The following SLC39A12 variants were observed in gnomAD, a reference collection of about 807,000 sequenced individuals.
The protein encoded by SLC39A12 is zinc transporter ZIP12.
SLC39A12 carries 63 observed loss-of-function variants against 71.1 expected under a neutral mutation model. The ratio of observed to expected loss-of-function variants is 0.89; its 90% CI spans 0.72 to 1.09. The LOEUF is 1.09. Ranked by LOEUF, SLC39A12 falls within the 50% of genes least tolerant of loss-of-function variation. The pLI is 0.00. For missense variants in SLC39A12, 892 were observed against 812.6 expected, an observed-to-expected ratio of 1.10 and a Z score of -1.19; for synonymous variants, 351 against 301.3, an observed-to-expected ratio of 1.16 and a Z score of -1.71.
chr10:18,019,614 T>C (rs1444225126), intron 12 of SLC39A12, among the ~76,000 whole-genome samples: 3 of 152,232 alleles, frequency 2.0e-5, no homozygotes, highest in African/African-American at 7.2e-5. Context: ...ATTTTTATTT[T>C]CATTCATTCG....
At chr10:18,027,154 T>C (rs1015062411) in intron 12 of SLC39A12, among the ~76,000 whole-genome samples, 7 of 152,220 alleles carry the variant, frequency 4.6e-5, no homozygotes, top group Admixed American at 3.9e-4. Flanking sequence ...AAGGAATACA[T>C]AGGGGAAAGG....
rs772807530 is a variant in SLC39A12, at chr10:17,981,482, G to A, written c.1095G>A (p.Glu365=). The change falls in exon 6 of 13, where the codon GAG becomes GAA. Residue 365 remains glutamate (E), a splice_region_variant and synonymous_variant. Transcript: ENST00000377369. The stretch of plus-strand genomic sequence containing the variant: ...CAAAGCTGCCACCTACCACTCTGGA[G>A]AGTAAGTTCTGGATCTTCCTTCAGA... ...QQAKLPPTTL[E]KYGYSTVAVT... The A allele has an allele frequency of 1.8e-5, 29 of 1,610,116 alleles. 1 individual carries two copies. In the South Asian group the frequency reaches 1.9e-4, roughly 10 times the overall value.
chr10:17,988,737 C>G (rs555306866), intron 7 of SLC39A12, among the ~76,000 whole-genome samples: 4 of 152,290 alleles, frequency 2.6e-5, no homozygotes, highest in African/African-American at 9.6e-5. Context: ...CTGTGCCCAG[C>G]TCCCTCCTGG....
chr10:17,999,736 AAAG>A (rs140145276), intron 10 of SLC39A12, among the ~76,000 whole-genome samples: 1,890 of 152,294 alleles, frequency 0.012, 54 homozygotes, highest in African/African-American at 0.043. Context: ...TATCTTGCAG[AAAG>A]AAGAAAACTT....
At chr10:17,990,099 A>G (rs554968018) in intron 7 of SLC39A12, among the ~76,000 whole-genome samples, 3 of 152,304 alleles carry the variant, frequency 2.0e-5, no homozygotes, top group Non-Finnish European at 4.4e-5. Context: ...TGAAAGATCT[A>G]CATTTTATTT....
intron 12 of SLC39A12, among the ~76,000 whole-genome samples, chr10:18,036,521 C>T (rs2488127): frequency 0.52 from 79,292 of 151,186 alleles, 21,494 homozygotes; most frequent in Non-Finnish European, 0.6. Flanking sequence ...GCACGGTGCG[C>T]GCACCCACTG....
In SLC39A12 at chr10:18,039,832, C is replaced by T. The variant is rs547834365; in HGVS notation, c.1948-2873C>T. 4.6e-5 allele frequency among the ~76,000 whole-genome samples: 7 copies of T among 152,252 alleles called. 1 individual carries two copies. In the East Asian group the frequency reaches 1.3e-3, roughly 29 times the overall value. ...CTTTGAGAACAAATACTATTTCTTC[C>T]CTATACATATAAGCCTTAATCTAGA... On this transcript the variant is annotated intron_variant, in intron 12 of 12. Coordinates refer to ENST00000377369, the MANE Select transcript of SLC39A12 (RefSeq NM_001145195.2).
chr10:18,043,098 C>A lies in SLC39A12; in HGVS notation c.*265C>A. The A allele has an allele frequency of 5.1e-6, 1 of 194,722 alleles. No individual in the cohort carries two copies. The highest frequency in any genetic ancestry group is 1.2e-4 in the East Asian group (1 of 8,404). 12.1% of individuals were successfully genotyped at this position (194,722 alleles called of 1,614,324 possible). A position where few individuals can be genotyped will look rare whatever the true frequency, so the allele number is the denominator to read the frequency against. ...TTTAAAAAGTAGTTAGTAAATTCTG[C>A]ATGAATTTTAGTAAACTTTAAAAAA... is the stretch of plus-strand genomic sequence containing the variant. On this transcript the variant is annotated 3_prime_UTR_variant, in exon 13 of 13. Coordinates refer to ENST00000377369, the MANE Select transcript of SLC39A12 (RefSeq NM_001145195.2).
At chr10:17,972,453 T>C (rs1043899807) in intron 4 of SLC39A12, among the ~76,000 whole-genome samples, 4 of 152,196 alleles carry the variant, frequency 2.6e-5, no homozygotes, top group Admixed American at 1.3e-4. Flanking sequence ...CCAGCTGTTA[T>C]TGTACTGTGG....
intron 12 of SLC39A12, among the ~76,000 whole-genome samples, chr10:18,041,661 A>G (rs1239119746): frequency 3.3e-5 from 3 of 90,142 alleles, no homozygotes; most frequent in Non-Finnish European, 7.5e-5. Flanking sequence ...ATATGTATAT[A>G]TGTGTATATA....
intron 2 of SLC39A12, among the ~76,000 whole-genome samples, chr10:17,957,146 C>T (rs1192150809): frequency 6.6e-6 from 1 of 152,088 alleles, no homozygotes; most frequent in African/African-American, 2.4e-5. Flanking sequence ...AGTCTAAAAC[C>T]CCTAAAGTTT....
chr10:18,031,097 G>A (rs369502555), intron 12 of SLC39A12, among the ~76,000 whole-genome samples: 2 of 147,020 alleles, frequency 1.4e-5, no homozygotes, highest in Non-Finnish European at 3.0e-5. Context: ...GAATAATGCC[G>A]CAATAAACAT....
intron 12 of SLC39A12, among the ~76,000 whole-genome samples, chr10:18,034,207 G>T (rs1334125867): frequency 6.6e-6 from 1 of 151,646 alleles, no homozygotes; most frequent in East Asian, 1.9e-4. Context: ...GGGTATCCTT[G>T]TTGACTTTCT....
At chr10:18,035,938 G>A (rs11012304) in intron 12 of SLC39A12, among the ~76,000 whole-genome samples, 9,979 of 152,180 alleles carry the variant, frequency 0.066, 452 homozygotes, top group East Asian at 0.21. Context: ...CTGCTGGGGG[G>A]TGCCTCCCAG....
chr10:18,000,330 A>G (rs1010521648), intron 10 of SLC39A12, among the ~76,000 whole-genome samples: 2 of 152,244 alleles, frequency 1.3e-5, no homozygotes, highest in African/African-American at 4.8e-5. Flanking sequence ...GCATTGCAAA[A>G]GACAGACGGG....
intron 12 of SLC39A12, among the ~76,000 whole-genome samples, chr10:18,013,959 A>G (rs1175013644): frequency 6.6e-6 from 1 of 152,136 alleles, no homozygotes; most frequent in East Asian, 1.9e-4. Flanking sequence ...ATCCTTTGAG[A>G]TTTCATATGA....
chr10:18,030,652 T>A (rs1010940509), intron 12 of SLC39A12, among the ~76,000 whole-genome samples: 2 of 149,046 alleles, frequency 1.3e-5, no homozygotes, highest in Non-Finnish European at 3.0e-5. Context: ...TTATTTATTT[T>A]TATTATACTT....
At chr10:17,960,691 G>A (rs1377145910) in intron 2 of SLC39A12, among the ~76,000 whole-genome samples, 1 of 152,150 alleles carries the variant, frequency 6.6e-6, no homozygotes, top group African/African-American at 2.4e-5. Flanking sequence ...TTTAAATGGT[G>A]TATTCCAGAA....
chr10:17,963,839 C>A (rs1009520540), intron 3 of SLC39A12, among the ~76,000 whole-genome samples: 5 of 152,178 alleles, frequency 3.3e-5, no homozygotes, highest in African/African-American at 1.2e-4. Flanking sequence ...CCAAGTGGGC[C>A]TCAACAAGAT....
Sources: allele counts gnomAD v4.1 joint callset (sites outside exome capture counted in the v4.1 genomes callset), GRCh38; gene constraint gnomAD v4.1.1; transcripts MANE v1.5; gene names NCBI Gene and HGNC (gene_info 2026-07-23, HGNC 2026-07-21).